The following DLG2 variants were observed in gnomAD, a reference collection of about 807,000 sequenced individuals.
DLG2 encodes the protein discs large MAGUK scaffold protein 2.
Under a neutral mutation model 132.5 loss-of-function variants are expected in DLG2, and 45 were observed. The ratio of observed to expected loss-of-function variants is 0.34; its 90% CI spans 0.27 to 0.44. The LOEUF (loss-of-function observed/expected upper bound fraction) is 0.44, where lower values mean the gene tolerates loss of function less well. Ranked by LOEUF, DLG2 falls within the 20% of genes least tolerant of loss-of-function variation. The pLI, the probability that DLG2 is intolerant of heterozygous loss-of-function variation, is 1.00. For missense variants in DLG2, 1,045 were observed against 1,196.9 expected (o/e 0.87, Z 1.87); for synonymous variants, 424 against 419.6 (o/e 1.01, Z -0.13).
intron 5 of DLG2, among the ~76,000 whole-genome samples, chr11:85,114,909 C>T (rs796612841): frequency 2.6e-5 from 4 of 151,838 alleles, no homozygotes; most frequent in African/African-American, 9.6e-5. Flanking sequence ...ATACATTGAG[C>T]CCTTTCATCC....
intron 19 of DLG2, among the ~76,000 whole-genome samples, chr11:83,622,127 C>T (rs2061727213): frequency 6.6e-6 from 1 of 152,098 alleles, no homozygotes; most frequent in Non-Finnish European, 1.5e-5. Context: ...GGGGTTTCAC[C>T]ATGTTGCCCA....
At chr11:84,014,601 A>T (rs1444939808) in intron 11 of DLG2, among the ~76,000 whole-genome samples, 1 of 152,198 alleles carries the variant, frequency 6.6e-6, no homozygotes, top group Non-Finnish European at 1.5e-5. Context: ...AATTGCCTGC[A>T]TAGTTTTATT....
chr11:85,614,510 C>G (rs1289616411), intron 2 of DLG2, among the ~76,000 whole-genome samples: 4 of 152,138 alleles, frequency 2.6e-5, no homozygotes, highest in Admixed American at 6.5e-5. Context: ...CATGGAGGCC[C>G]ATGCCTGTAA....
At chr11:84,407,764 GA>G (rs1301444347) in intron 7 of DLG2, among the ~76,000 whole-genome samples, 2 of 152,208 alleles carry the variant, frequency 1.3e-5, no homozygotes, top group Admixed American at 1.3e-4. Flanking sequence ...AAGGTAAAGT[GA>G]CTTTTTCAAG....
chr11:85,047,638 G>T (rs1486216278), intron 6 of DLG2, among the ~76,000 whole-genome samples: 1 of 151,218 alleles, frequency 6.6e-6, no homozygotes, highest in Non-Finnish European at 1.5e-5. Flanking sequence ...CATACCTCTG[G>T]GCTATTAAAA....
At chr11:84,231,255 T>C (rs2097089630) in intron 8 of DLG2, among the ~76,000 whole-genome samples, 1 of 152,200 alleles carries the variant, frequency 6.6e-6, no homozygotes, top group Admixed American at 6.5e-5. Flanking sequence ...AGCTATGATG[T>C]TAGAAGAGTT....
chr11:85,514,835 T>C (rs1007919183), intron 3 of DLG2, among the ~76,000 whole-genome samples: 2 of 151,942 alleles, frequency 1.3e-5, no homozygotes, highest in Admixed American at 6.6e-5. Flanking sequence ...AGAGGTTTCA[T>C]ATTGGGCTCT....
intron 16 of DLG2, among the ~76,000 whole-genome samples, chr11:83,862,655 C>T (rs1185905325): frequency 6.6e-6 from 1 of 151,548 alleles, no homozygotes; most frequent in East Asian, 1.9e-4. Context: ...ATAGATACTC[C>T]CCCACTCCAA....
intron 8 of DLG2, among the ~76,000 whole-genome samples, chr11:84,205,588 CTTAA>C (rs1451614172): frequency 6.6e-6 from 1 of 151,660 alleles, no homozygotes; most frequent in East Asian, 1.9e-4. Context: ...TAACATATTT[CTTAA>C]TTATTTGTGA....
intron 6 of DLG2, among the ~76,000 whole-genome samples, chr11:84,661,677 A>G (rs1327411938): frequency 6.6e-6 from 1 of 152,092 alleles, no homozygotes; most frequent in Admixed American, 6.6e-5. Flanking sequence ...ACAATTCAGT[A>G]TATTTGTGTC....
intron 15 of DLG2, among the ~76,000 whole-genome samples, chr11:83,887,461 C>T (rs11233780): frequency 0.26 from 39,090 of 151,626 alleles, 5,287 homozygotes; most frequent in East Asian, 0.48. Flanking sequence ...TAATCAATAG[C>T]TTACCAACCA....
chr11:85,496,201 A>G (rs1180567335), intron 3 of DLG2, among the ~76,000 whole-genome samples: 1 of 152,112 alleles, frequency 6.6e-6, no homozygotes. Flanking sequence ...CTGCCCAAAT[A>G]CTGCACTTTT....
chr11:84,478,919 T>A lies in DLG2; in HGVS notation c.519+55651A>T, dbSNP rs1005143887. ...AACAATAAAATCAGAATAACTGGCT[T>A]AGGTGCTTTGCCACATAAATGAAGA... On this transcript the variant is annotated intron_variant, in intron 7 of 27. Coordinates refer to ENST00000376104, the MANE Select transcript of DLG2 (RefSeq NM_001142699.3). Among the ~76,000 whole-genome samples, 16 of 152,176 alleles carry A rather than the reference T, an allele frequency of 1.1e-4. No individual in the cohort carries two copies. In the South Asian group the frequency reaches 2.7e-3, roughly 26 times the overall value.
chr11:85,611,914 G>C (rs2081031072), intron 2 of DLG2, among the ~76,000 whole-genome samples: 1 of 151,946 alleles, frequency 6.6e-6, no homozygotes, highest in Non-Finnish European at 1.5e-5. Context: ...GGCAGGGAAA[G>C]ACCAGCAGAG....
intron 8 of DLG2, among the ~76,000 whole-genome samples, chr11:84,177,395 A>T (rs751772652): frequency 3.3e-5 from 5 of 152,114 alleles, no homozygotes; most frequent in Non-Finnish European, 5.9e-5. Context: ...GTGTTTACAG[A>T]CTACTTCTGT....
At chr11:83,876,883 T>C (rs2064912630) in intron 15 of DLG2, among the ~76,000 whole-genome samples, 1 of 152,176 alleles carries the variant, frequency 6.6e-6, no homozygotes, top group African/African-American at 2.4e-5. Flanking sequence ...ATAATTATTA[T>C]TTTGGAGTTA....
intron 19 of DLG2, among the ~76,000 whole-genome samples, chr11:83,627,539 G>A (rs1219264509): frequency 1.3e-5 from 2 of 152,176 alleles, no homozygotes; most frequent in African/African-American, 4.8e-5. Context: ...CAAAGGACAT[G>A]AACTCATCAT....
chr11:84,228,110 C>A lies in DLG2; in HGVS notation c.573+23128G>T, dbSNP rs187467702. On this transcript the variant is annotated intron_variant, in intron 8 of 27. Transcript: ENST00000376104. ...AACTCTGACTCATCTGGTTGCATCACTGACATGATGGACTCTCTTATTTCC... is the reference window on the plus strand; with the variant it reads ...AACTCTGACTCATCTGGTTGCATCAATGACATGATGGACTCTCTTATTTCC... Among the ~76,000 whole-genome samples, 17 of 152,256 alleles carry A rather than the reference C, an allele frequency of 1.1e-4. No homozygotes were observed. The East Asian group carries it at 3.1e-3, about 28-fold the overall frequency.
Position 84,869,791 on chromosome 11 carries a change from C to T in DLG2, c.357+241870G>A, listed in dbSNP as rs560350632. Among the ~76,000 whole-genome samples, 55 of 152,260 alleles carry T rather than the reference C, an allele frequency of 3.6e-4. No individual in the cohort carries two copies. In the South Asian group the frequency reaches 0.011, roughly 30 times the overall value. ...GTACCACGCCTGGGTTGGTAGAGGA[C>T]GAATAGGCAGTGGTTGGTAATAAAC... On this transcript the variant is annotated intron_variant, in intron 6 of 27. Coordinates refer to ENST00000376104, the MANE Select transcript of DLG2 (RefSeq NM_001142699.3).
Sources: gnomAD v4.1 joint callset for allele counts (sites outside exome capture counted in the v4.1 genomes callset) on GRCh38, gnomAD v4.1.1 for gene constraint, MANE v1.5 for transcripts, NCBI Gene and HGNC (gene_info 2026-07-23, HGNC 2026-07-21) for gene names.